Variants in SEMA3C observed in about 807,000 individuals in gnomAD.
SEMA3C encodes semaphorin-3C.
In SEMA3C, 47 loss-of-function variants were observed where a neutral mutation model predicts 89.4. The ratio of observed to expected loss-of-function variants is 0.53; its 90% CI spans 0.42 to 0.67. The LOEUF (loss-of-function observed/expected upper bound fraction) is 0.67, where lower values mean the gene tolerates loss of function less well. SEMA3C is among the 30% of genes least tolerant of loss of function. SEMA3C has a pLI of 0.00. For missense variants in SEMA3C, 839 were observed against 929.1 expected (o/e 0.90, Z 1.26); for synonymous variants, 310 against 320.2 (o/e 0.97, Z 0.34).
chr7:80,894,007 T>C (rs77866633), intron 2 of SEMA3C, among the ~76,000 whole-genome samples: 1,616 of 152,274 alleles, frequency 0.011, 24 homozygotes, highest in African/African-American at 0.037. Context: ...TTTTAACCCT[T>C]GACACACATG....
chr7:80,777,513 A>G (rs555097362), intron 12 of SEMA3C, among the ~76,000 whole-genome samples: 1 of 152,158 alleles, frequency 6.6e-6, no homozygotes, highest in Non-Finnish European at 1.5e-5. Context: ...GCTGGTCTCA[A>G]ACTCCTGACC....
intron 2 of SEMA3C, among the ~76,000 whole-genome samples, chr7:80,866,437 A>G (rs1416624525): frequency 2.0e-5 from 3 of 152,188 alleles, no homozygotes; most frequent in Non-Finnish European, 4.4e-5. Context: ...TTTAATTATC[A>G]CATTTTTATT....
upstream of SEMA3C, chr7:80,919,116 G>A: frequency 5.1e-6 from 5 of 984,892 alleles, no homozygotes; most frequent in Non-Finnish European, 6.0e-6. Context: ...GCCGCGGCGC[G>A]CGGCTCCGGC....
At chr7:80,786,021 C>T (rs1022078622) in intron 12 of SEMA3C, among the ~76,000 whole-genome samples, 6 of 152,154 alleles carry the variant, frequency 3.9e-5, no homozygotes, top group African/African-American at 1.2e-4. Context: ...TGGCTAAGCG[C>T]GCTACCATCT....
At chr7:80,771,781 C>G (rs1261686859) in intron 12 of SEMA3C, among the ~76,000 whole-genome samples, 1 of 152,140 alleles carries the variant, frequency 6.6e-6, no homozygotes, top group Non-Finnish European at 1.5e-5. Context: ...TTAATGAGAT[C>G]TGGCCAGTCC....
At chr7:80,822,905 G>C (rs927583940) in intron 4 of SEMA3C, among the ~76,000 whole-genome samples, 4 of 152,158 alleles carry the variant, frequency 2.6e-5, no homozygotes, top group African/African-American at 9.6e-5. Flanking sequence ...GCTTAGTGCA[G>C]GTCCTGACCA....
intron 4 of SEMA3C, among the ~76,000 whole-genome samples, chr7:80,819,132 CA>C (rs1562889854): frequency 6.6e-6 from 1 of 151,830 alleles, no homozygotes; most frequent in African/African-American, 2.4e-5. Context: ...CAAATTTATA[CA>C]TATCAATGCA....
At chr7:80,863,547 T>C (rs1184858867) in intron 2 of SEMA3C, among the ~76,000 whole-genome samples, 1 of 151,642 alleles carries the variant, frequency 6.6e-6, no homozygotes, top group African/African-American at 2.4e-5. Context: ...AGAAAAAAGG[T>C]ACTTGCACAG....
intron 17 of SEMA3C, among the ~76,000 whole-genome samples, chr7:80,748,411 C>T (rs1787847624): frequency 6.6e-6 from 1 of 152,100 alleles, no homozygotes; most frequent in Non-Finnish European, 1.5e-5. Flanking sequence ...TATTACCTAA[C>T]CAAAGCACAA....
intron 6 of SEMA3C, among the ~76,000 whole-genome samples, chr7:80,808,353 G>A (rs531929943): frequency 1.3e-5 from 2 of 152,218 alleles, no homozygotes; most frequent in Middle Eastern, 6.8e-3. Flanking sequence ...GTTTCTGAAG[G>A]TGAATAAAGT....
chr7:80,747,826 C>T lies in SEMA3C; in HGVS notation c.1842+1072G>A, dbSNP rs74756654. ...TTCCTCCAAATAATTCAGTTTCCTCCTGCAAGTAGTCATCTGCTTATGGTT... is the reference window on the plus strand; with the variant it reads ...TTCCTCCAAATAATTCAGTTTCCTCTTGCAAGTAGTCATCTGCTTATGGTT... On this transcript the variant is annotated intron_variant, in intron 17 of 17. Coordinates refer to ENST00000265361, the MANE Select transcript of SEMA3C (RefSeq NM_006379.5). Among the ~76,000 whole-genome samples, 2,215 of 152,204 alleles carry T rather than the reference C, an allele frequency of 0.015. 183 individuals carry two copies. The East Asian group carries it at 0.24, about 16-fold the overall frequency.
intron 2 of SEMA3C, among the ~76,000 whole-genome samples, chr7:80,864,729 T>C (rs1790885521): frequency 1.3e-5 from 2 of 152,264 alleles, no homozygotes; most frequent in Admixed American, 6.5e-5. Context: ...TCACTCTAGA[T>C]TCTCCATCTC....
chr7:80,839,150 A>G (rs1372247353), intron 2 of SEMA3C, among the ~76,000 whole-genome samples: 1 of 152,180 alleles, frequency 6.6e-6, no homozygotes, highest in Non-Finnish European at 1.5e-5. Context: ...ACTTCTAAAA[A>G]GTAGAATAAA....
chr7:80,892,443 C>A (rs1450955511), intron 2 of SEMA3C, among the ~76,000 whole-genome samples: 1 of 151,698 alleles, frequency 6.6e-6, no homozygotes, highest in African/African-American at 2.4e-5. Flanking sequence ...TATTCAAGAC[C>A]TGTGATTAAG....
At chr7:80,789,242 A>G in intron 12 of SEMA3C, 64 bp downstream of exon 12, 1 of 1,296,118 alleles carries the variant, frequency 7.7e-7, no homozygotes, top group Non-Finnish European at 1.1e-6. Context: ...GCCCTTACCT[A>G]CTACCTATAT....
intron 2 of SEMA3C, among the ~76,000 whole-genome samples, chr7:80,829,173 A>T (rs2115819578): frequency 6.6e-6 from 1 of 152,254 alleles, no homozygotes; most frequent in Non-Finnish European, 1.5e-5. Flanking sequence ...CCTCAAAAAA[A>T]AAAGTTATGT....
chr7:80,879,597 T>A lies in SEMA3C; in HGVS notation c.103+37082A>T, dbSNP rs562028795. On this transcript the variant is annotated intron_variant, in intron 2 of 17. Coordinates refer to ENST00000265361, the MANE Select transcript of SEMA3C (RefSeq NM_006379.5). ...CATGGAATTTAGCTACTCATTTCCC[T>A]GAGTTATGCTATAGAGTCTATGTTA... Among the ~76,000 whole-genome samples the A allele has an allele frequency of 7.2e-5, 11 of 152,208 alleles. No individual in the cohort carries two copies. In the South Asian group the frequency reaches 2.3e-3, roughly 32 times the overall value.
At chr7:80,822,626 AT>A (rs1163114768) in intron 4 of SEMA3C, among the ~76,000 whole-genome samples, 1 of 152,180 alleles carries the variant, frequency 6.6e-6, no homozygotes, top group Non-Finnish European at 1.5e-5. Flanking sequence ...TCAGAGCCAG[AT>A]GACCTAGGTT....
chr7:80,821,318 G>C lies in SEMA3C; in HGVS notation c.328-2900C>G, dbSNP rs191262951. ...AAATAACCTGTTTGAGACCATATAG[G>C]TAGTAACTAAAGCAGATTTACAAAC... On this transcript the variant is annotated intron_variant, in intron 4 of 17. Coordinates refer to ENST00000265361, the MANE Select transcript of SEMA3C (RefSeq NM_006379.5). 1.9e-3 allele frequency among the ~76,000 whole-genome samples: 293 copies of C among 152,262 alleles called. 6 individuals carry two copies. Among genetic ancestry groups the C allele is most frequent in the Non-Finnish European group, 3.4e-4 (23 of 68,016 alleles).
Sources: allele counts gnomAD v4.1 joint callset (sites outside exome capture counted in the v4.1 genomes callset), GRCh38; gene constraint gnomAD v4.1.1; transcripts MANE v1.5; gene names NCBI Gene and HGNC (gene_info 2026-07-23, HGNC 2026-07-21).